Variants in TMF1 observed in about 807,000 individuals in gnomAD.
TMF1 encodes TATA element modulatory factor.
In TMF1, 71 loss-of-function variants were observed where a neutral mutation model predicts 126.5. The observed-to-expected ratio is 0.56, with a 90% CI of 0.46 to 0.68. TMF1 has a LOEUF of 0.68. TMF1 is among the 30% of genes least tolerant of loss of function. The pLI, the probability that TMF1 is intolerant of heterozygous loss-of-function variation, is 0.00. For synonymous variants in TMF1, 461 were observed against 430.5 expected (o/e 1.07, Z -0.88); for missense variants, 1,259 against 1,253.2 (o/e 1.00, Z -0.07).
At position 69,033,764 on chromosome 3, in the gene TMF1, A is replaced by G. The variant is rs2091817745; in HGVS notation, c.2245-60T>C. ...CAGCAATAAAAACATTAAAAACACT[A>G]GCAAACCTGAACTTTGAGAGGTTCC... On this transcript the variant is annotated intron_variant, in intron 9 of 16. Coordinates refer to ENST00000398559, the MANE Select transcript of TMF1 (RefSeq NM_007114.3). 6.3e-6 allele frequency: 9 copies of G among 1,438,902 alleles called. No homozygotes were observed. In the South Asian group the frequency reaches 9.7e-5, roughly 16 times the overall value. The allele number at this position is 1,438,902 out of a possible 1,614,324, so 89.1% of individuals were successfully genotyped here.
chr3:69,047,418 C>T lies in TMF1; in HGVS notation c.1287G>A (p.Glu429=), dbSNP rs539395331. The T allele has an allele frequency of 3.1e-6, 5 of 1,613,900 alleles. No individual in the cohort carries two copies. In the African/African-American group the frequency reaches 4.0e-5, roughly 13 times the overall value. ...EGQTVLDKVA[E]QCEPAESQPE... is the part of the protein sequence containing the mutation. ...GCTGACTTTCAGCAGGTTCACACTGCTCAGCCACCTTGTCTAACACAGTCT... is the reference window on the plus strand; with the variant it reads ...GCTGACTTTCAGCAGGTTCACACTGTTCAGCCACCTTGTCTAACACAGTCT... Residue 429 remains glutamate, a synonymous_variant, in exon 2 of 17, where the codon GAG becomes GAA. Transcript: ENST00000398559.
At chr3:69,026,157 A>T in intron 13 of TMF1, 60 bp from the exon 14 acceptor site, 1 of 1,148,234 alleles carries the variant, frequency 8.7e-7, no homozygotes, top group Non-Finnish European at 1.3e-6. Context: ...CAGAGAAAGC[A>T]AGAACATTTC....
chr3:69,031,379 A>G (rs927141108), intron 10 of TMF1, among the ~76,000 whole-genome samples: 1 of 152,118 alleles, frequency 6.6e-6, no homozygotes, highest in Non-Finnish European at 1.5e-5. Flanking sequence ...TATCTTGACT[A>G]TGGTAATGGA....
chr3:69,034,822 A>G (rs1399405378), intron 9 of TMF1, among the ~76,000 whole-genome samples: 1 of 152,246 alleles, frequency 6.6e-6, no homozygotes, highest in Non-Finnish European at 1.5e-5. Context: ...ATTATTTTCT[A>G]TAAAACAAAA....
chr3:69,047,729 T>C lies in TMF1; in HGVS notation c.976A>G (p.Ile326Val). 1.2e-6 allele frequency: 2 copies of C among 1,614,130 alleles called. No individual in the cohort carries two copies. The highest frequency in any genetic ancestry group is 1.1e-5 in the South Asian group (1 of 91,086). Residue 326 changes from isoleucine (I) to valine (V), a missense_variant, in exon 2 of 17, where the codon ATA becomes GTA. Ile to Val is a conservative substitution (Grantham distance 29). Transcript: ENST00000398559. Reference protein sequence around the residue: ...SCCSSDAFERIDSFSVQSLDS... With the variant: ...SCCSSDAFERVDSFSVQSLDS... ...AATGACTGTACACTAAATGAGTCTA[T>C]TCTTTCAAAAGCATCAGATGAACAG...
intron 13 of TMF1, among the ~76,000 whole-genome samples, 197 bp downstream of exon 13, chr3:69,027,703 A>G (rs1236396824): frequency 6.6e-6 from 1 of 152,014 alleles, no homozygotes; most frequent in African/African-American, 2.4e-5. Flanking sequence ...AAAATCATGA[A>G]AAAAATCTCA....
intron 8 of TMF1, among the ~76,000 whole-genome samples, chr3:69,037,663 A>G (rs1179303139): frequency 6.6e-6 from 1 of 151,916 alleles, no homozygotes; most frequent in Non-Finnish European, 1.5e-5. Flanking sequence ...AAAATTAGCC[A>G]GGCATGGTAG....
chr3:69,024,267 G>GTT, intron 15 of TMF1, 87 bp from the exon 16 acceptor site: 7 of 1,094,522 alleles, frequency 6.4e-6, no homozygotes, highest in Non-Finnish European at 8.5e-6. Flanking sequence ...ATGTGTGTGT[G>GTT]GTTTTTTTTT....
chr3:69,025,435 G>T, intron 15 of TMF1, 125 bp downstream of exon 15: 1 of 883,540 alleles, frequency 1.1e-6, no homozygotes, highest in Non-Finnish European at 1.7e-6. Flanking sequence ...TACATTTTGG[G>T]CTTCACATGC....
chr3:69,036,578 A>G (rs1024567347), intron 8 of TMF1, among the ~76,000 whole-genome samples: 7 of 152,236 alleles, frequency 4.6e-5, no homozygotes, highest in African/African-American at 1.7e-4. Flanking sequence ...AAGATAAGCC[A>G]AACTCTAATA....
intron 2 of TMF1, 82 bp downstream of exon 2, chr3:69,047,276 C>T (rs970331893): frequency 2.1e-6 from 3 of 1,423,158 alleles, no homozygotes; most frequent in Non-Finnish European, 1.9e-6. Context: ...AATTATTATG[C>T]ATCAATGAAA....
chr3:69,049,986 G>T (rs570101907), intron 1 of TMF1, among the ~76,000 whole-genome samples: 2 of 152,054 alleles, frequency 1.3e-5, no homozygotes, highest in Non-Finnish European at 2.9e-5. Flanking sequence ...CAGGCCAGGC[G>T]CAGTGGCTCA....
At chr3:69,051,357 C>T (rs1332673178) in intron 1 of TMF1, among the ~76,000 whole-genome samples, 1 of 152,034 alleles carries the variant, frequency 6.6e-6, no homozygotes, top group East Asian at 1.9e-4. Flanking sequence ...CGCCTGTAAT[C>T]CCAGCTACTA....
In TMF1 at chr3:69,038,588, C is replaced by T. The variant is rs1221315502; in HGVS notation, c.2127G>A (p.Gln709=). The change falls in exon 8 of 17, where the codon CAG becomes CAA. Residue 709 remains glutamine, a synonymous_variant. Coordinates refer to ENST00000398559, the MANE Select transcript of TMF1 (RefSeq NM_007114.3). The part of the protein sequence containing the change: ...ALEKAQEEAR[Q]QQETLAIQVG... ...CTTGAATGGCTAATGTTTCTTGCTG[C>T]TGACGGGCTTCTTCTTGGGCCTTCT... is the stretch of plus-strand genomic sequence containing the variant. 39 of 1,613,918 alleles carry T rather than the reference C, an allele frequency of 2.4e-5. No homozygotes were observed. Among genetic ancestry groups the T allele is most frequent in the Non-Finnish European group, 3.1e-5 (37 of 1,180,004 alleles).
intron 2 of TMF1, among the ~76,000 whole-genome samples, chr3:69,046,218 T>C (rs969003938): frequency 1.3e-5 from 2 of 152,200 alleles, no homozygotes; most frequent in African/African-American, 2.4e-5. Flanking sequence ...ATGCTTGGAA[T>C]GTCTAATTCC....
At chr3:69,042,995 G>T in intron 4 of TMF1, 83 bp from the exon 5 acceptor site, 1 of 968,440 alleles carries the variant, frequency 1.0e-6, no homozygotes. Flanking sequence ...ATCCAAAGAA[G>T]CTGTCCATAA....
In TMF1 at chr3:69,027,888, A is replaced by C. The variant is rs2091778698; in HGVS notation, c.2757+12T>G. On this transcript the variant is annotated intron_variant, in intron 13 of 16. Coordinates refer to ENST00000398559, the MANE Select transcript of TMF1 (RefSeq NM_007114.3). ...GGTTACACCACAAACAAACAAAAAC[A>C]AAATTCAATACCTTTTCTTTTATTG... is the stretch of plus-strand genomic sequence containing the variant. The C allele has an allele frequency of 1.4e-6, 2 of 1,457,914 alleles. No individual in the cohort carries two copies. Among genetic ancestry groups the C allele is most frequent in the East Asian group, 4.5e-5 (2 of 44,028 alleles). 90.3% of individuals were successfully genotyped at this position (1,457,914 alleles called of 1,614,324 possible).
At chr3:69,050,980 G>A (rs897294990) in intron 1 of TMF1, among the ~76,000 whole-genome samples, 1 of 152,186 alleles carries the variant, frequency 6.6e-6, no homozygotes, top group Admixed American at 6.5e-5. Context: ...ACTGCAAAGA[G>A]AGACTTGGCT....
rs760699523 is a variant in TMF1 at position 69,038,946 on chromosome 3, T to G, written c.1891A>C (p.Met631Leu). ...HRENIKKLNS[M>L]VERQEKDLGR... ...AGATCTTTCTCTTGGCGTTCTACCA[T>G]GGAATTTAGTTTTTTAATATTTTCT... Residue 631 changes from methionine to leucine, a missense_variant, in exon 7 of 17, where the codon ATG (methionine) becomes CTG (leucine). Physicochemically the swap from Met to Leu is conservative, Grantham distance 15. Transcript: ENST00000398559. 1.9e-6 allele frequency: 3 copies of G among 1,610,832 alleles called. No individual in the cohort carries two copies. In the Admixed American group the frequency reaches 5.1e-5, roughly 27 times the overall value.
Sources: allele counts gnomAD v4.1 joint callset (sites outside exome capture counted in the v4.1 genomes callset), GRCh38; gene constraint gnomAD v4.1.1; transcripts MANE v1.5; gene names NCBI Gene and HGNC (gene_info 2026-07-23, HGNC 2026-07-21).